MYH9: variants seen among roughly 807,000 people sequenced by gnomAD.
MYH9 encodes the protein myosin heavy chain 9.
Under a neutral mutation model 241.9 loss-of-function variants are expected in MYH9, and 29 were observed. That is an observed-to-expected ratio of 0.12 (90% CI 0.09 to 0.16). The LOEUF is 0.16. Ranked by LOEUF, MYH9 falls within the 10% of genes least tolerant of loss-of-function variation. MYH9 has a pLI of 1.00. For synonymous variants in MYH9, 1,047 were observed against 1,062.6 expected, an observed-to-expected ratio of 0.99 and a Z score of 0.29; for missense variants, 1,803 against 2,595.5, an observed-to-expected ratio of 0.69 and a Z score of 6.63.
intron 1 of MYH9, among the ~76,000 whole-genome samples, chr22:36,355,446 A>C (rs2017839875): frequency 6.6e-6 from 1 of 152,238 alleles, no homozygotes; most frequent in South Asian, 2.1e-4. Flanking sequence ...GTTTGTCTGG[A>C]AAATGAACAG....
In MYH9 at chr22:36,293,856, A is replaced by C; in HGVS notation, c.3845T>G (p.Leu1282Arg). 1.2e-6 allele frequency: 2 copies of C among 1,613,162 alleles called. No individual in the cohort carries two copies. The highest frequency in any genetic ancestry group is 8.5e-7 in the Non-Finnish European group (1 of 1,179,754). ...GCTGAGAAGCCCGGTCACGTTGTCCAGCTCCACCTGCACCGGGCGGGGAGA... is the reference window on the plus strand; with the variant it reads ...GCTGAGAAGCCCGGTCACGTTGTCCCGCTCCACCTGCACCGGGCGGGGAGA... ...ADKVTKLQVE[L>R]DNVTGLLSQS... Residue 1282 changes from leucine (L) to arginine (R), a missense_variant, in exon 29 of 41, where the codon CTG becomes CGG. This residue lies in a region of MYH9 where 876 missense variants were observed against 1,077.8 expected (regional missense o/e 0.81). Transcript: ENST00000216181. The surrounding 1 kb of genome is among the most constrained non-coding windows in gnomAD (Gnocchi z 5.1).
Position 36,292,006 on chromosome 22 carries a change from T to G in MYH9, c.4324A>C (p.Lys1442Gln). The G allele has an allele frequency of 6.2e-7, 1 of 1,614,188 alleles. No individual in the cohort carries two copies. Among genetic ancestry groups the G allele is most frequent in the Non-Finnish European group, 8.5e-7 (1 of 1,180,032 alleles). ...CACACCTGGTCAAACTTCTTCTGCTTCTTCTCCAGGTTGCACGCGCTCTGG... is the reference window on the plus strand; with the variant it reads ...CACACCTGGTCAAACTTCTTCTGCTGCTTCTCCAGGTTGCACGCGCTCTGG... ...QRQSACNLEK[K>Q]QKKFDQLLAE... Residue 1442 changes from lysine (K) to glutamine (Q), a missense_variant, in exon 31 of 41, where the codon AAG becomes CAG. By Grantham distance (53) the Lys-to-Gln change is moderately conservative (BLOSUM62 1). This residue lies in a region of MYH9 where 876 missense variants were observed against 1,077.8 expected (regional missense o/e 0.81). Transcript: ENST00000216181.
At position 36,320,761 on chromosome 22, in the gene MYH9, G is replaced by C. The variant is rs751610324; in HGVS notation, c.868+37C>G. 1 of 1,538,022 alleles carries C rather than the reference G, an allele frequency of 6.5e-7. No individual in the cohort carries two copies. The highest frequency in any genetic ancestry group is 9.0e-7 in the Non-Finnish European group (1 of 1,112,112). ...AATTCTGGCAAGAGGCCCAGAGCCC[G>C]GCAGCCCCGGTGTCAGGCTGCAGGC... On this transcript the variant is annotated intron_variant, in intron 8 of 40. Transcript: ENST00000216181. The surrounding 1 kb of genome is among the most constrained non-coding windows in gnomAD (Gnocchi z 4.8).
intron 12 of MYH9, among the ~76,000 whole-genome samples, chr22:36,316,125 C>T (rs550971538): frequency 1.3e-5 from 2 of 150,900 alleles, no homozygotes; most frequent in African/African-American, 4.9e-5. Flanking sequence ...GCAACCTCTG[C>T]CTCCCGGGTT....
At chr22:36,346,391 C>T (rs116903206) in intron 2 of MYH9, among the ~76,000 whole-genome samples, 1 of 152,132 alleles carries the variant, frequency 6.6e-6, no homozygotes, top group Non-Finnish European at 1.5e-5. Context: ...CATTGCAGGG[C>T]ACTCAGAAGC....
In MYH9 at chr22:36,300,737, G is replaced by A. The variant is rs917351923; in HGVS notation, c.2838+114C>T. 5.7e-6 allele frequency: 7 copies of A among 1,218,198 alleles called. No individual in the cohort carries two copies. The Admixed American group carries it at 9.3e-5, about 16-fold the overall frequency. 75.5% of individuals were successfully genotyped at this position (1,218,198 alleles called of 1,614,324 possible). A position where few individuals can be genotyped will look rare whatever the true frequency, so the allele number is the denominator to read the frequency against. On this transcript the variant is annotated intron_variant, in intron 22 of 40. Coordinates refer to ENST00000216181, the MANE Select transcript of MYH9 (RefSeq NM_002473.6). This position sits in a 1 kb window ranked among gnomAD's most constrained non-coding sequence, Gnocchi z 5.0. ...ACTGAGAGCCCCAAGCAGATTGCGTGAGGAGCAGCCTCCTTGGACCCTAAT... is the reference window on the plus strand; with the variant it reads ...ACTGAGAGCCCCAAGCAGATTGCGTAAGGAGCAGCCTCCTTGGACCCTAAT...
rs2016779537 is a variant in MYH9, at chr22:36,295,827, C to T, written c.3273-110G>A. On this transcript the variant is annotated intron_variant, in intron 25 of 40. Transcript: ENST00000216181. This position sits in a 1 kb window ranked among gnomAD's most constrained non-coding sequence, Gnocchi z 4.1. ...AGCAGCCAAAGCTGCCTCCTGTGGT[C>T]ACAATCATGGCACTTAGGATGGCTC... is the stretch of plus-strand genomic sequence containing the variant. The T allele has an allele frequency of 1.0e-6, 1 of 994,614 alleles. No individual in the cohort carries two copies. The highest frequency in any genetic ancestry group is 2.0e-5 in the Admixed American group (1 of 50,426). 61.6% of individuals were successfully genotyped at this position (994,614 alleles called of 1,614,324 possible).
Position 36,321,769 on chromosome 22 carries a change from T to C in MYH9, c.758A>G (p.Asn253Ser), listed in dbSNP as rs763278314. 6.2e-7 allele frequency: 1 copy of C among 1,614,078 alleles called. No individual in the cohort carries two copies. The highest frequency in any genetic ancestry group is 1.7e-5 in the Admixed American group (1 of 60,030). ...AACCACAAGGATACAAGTCTCAATG[T>C]TGGCTCCAACAATGTAGCCATTGAC... is the stretch of plus-strand genomic sequence containing the variant. ...FDVNGYIVGA[N>S]IETYLLEKSR... Residue 253 changes from asparagine to serine, a missense_variant, in exon 7 of 41, where the codon AAC becomes AGC. Physicochemically the swap from Asn to Ser is conservative, Grantham distance 46. Transcript: ENST00000216181.
rs2016486471 is a variant in MYH9, at chr22:36,281,424, G to A, written c.*1244C>T. The A allele has an allele frequency of 4.4e-6, 1 of 228,594 alleles. No individual in the cohort carries two copies. The highest frequency in any genetic ancestry group is 2.2e-5 in the African/African-American group (1 of 45,030). The allele number at this position is 228,594 out of a possible 1,614,324, so 14.2% of individuals were successfully genotyped here. A position where few individuals can be genotyped will look rare whatever the true frequency, so the allele number is the denominator to read the frequency against. On this transcript the variant is annotated 3_prime_UTR_variant, in exon 41 of 41. Transcript: ENST00000216181. ...GTGGGAGTTTCACTCACTCCTTTGT[G>A]ACAGCAACTGGGACCTGAATTCAGA...
chr22:36,290,338 CA>C (rs530199922), intron 31 of MYH9, among the ~76,000 whole-genome samples: 6,579 of 53,614 alleles, frequency 0.12, 173 homozygotes, highest in African/African-American at 0.29. Flanking sequence ...AGACAGTCTC[CA>C]AAAAAAAAAA....
At chr22:36,301,498 T>A (rs768481408) in intron 21 of MYH9, 36 bp downstream of exon 21, 8 of 1,610,706 alleles carry the variant, frequency 5.0e-6, no homozygotes, top group Non-Finnish European at 6.8e-6. Flanking sequence ...ACCAGGCAGG[T>A]CGTGCGACCT....
intron 1 of MYH9, among the ~76,000 whole-genome samples, chr22:36,373,841 A>G (rs1369798672): frequency 6.6e-6 from 1 of 152,262 alleles, no homozygotes; most frequent in Non-Finnish European, 1.5e-5. Context: ...GGGTCATTAA[A>G]ATATGAATTC....
Position 36,319,532 on chromosome 22 carries a change from G to T in MYH9, c.1108+8C>A, listed in dbSNP as rs751836967. Reference sequence around the variant, plus strand: ...CCATTATTTCCAGCGAGAGGCCCCGGGTGTTACCTGTGTTGTCGGGCATGG... The same window carrying T: ...CCATTATTTCCAGCGAGAGGCCCCGTGTGTTACCTGTGTTGTCGGGCATGG... On this transcript the variant is annotated splice_region_variant and intron_variant, in intron 10 of 40. Coordinates refer to ENST00000216181, the MANE Select transcript of MYH9 (RefSeq NM_002473.6). 6.2e-6 allele frequency: 10 copies of T among 1,613,920 alleles called. No homozygotes were observed. In the South Asian group the frequency reaches 1.1e-4, roughly 18 times the overall value.
rs776565254 is a variant in MYH9, at chr22:36,324,020, C to T, written c.613-1499G>A. Among the ~76,000 whole-genome samples, 80 of 152,254 alleles carry T rather than the reference C, an allele frequency of 5.3e-4. 1 individual carries two copies. Among genetic ancestry groups the T allele is most frequent in the Non-Finnish European group, 3.8e-4 (26 of 68,044 alleles). On this transcript the variant is annotated intron_variant, in intron 5 of 40. Transcript: ENST00000216181. ...ATGAGAATGGCTCCCCCACCCACTACGCCGTTCCTCTCAGAGCACAGGCCA... is the reference window on the plus strand; with the variant it reads ...ATGAGAATGGCTCCCCCACCCACTATGCCGTTCCTCTCAGAGCACAGGCCA...
chr22:36,306,333 G>T lies in MYH9; in HGVS notation c.2037+81C>A. 1 of 1,560,252 alleles carries T rather than the reference G, an allele frequency of 6.4e-7. No homozygotes were observed. The highest frequency in any genetic ancestry group is 8.8e-7 in the Non-Finnish European group (1 of 1,142,460). On this transcript the variant is annotated intron_variant, in intron 16 of 40. Transcript: ENST00000216181. This position sits in a 1 kb window ranked among gnomAD's most constrained non-coding sequence, Gnocchi z 4.1. ...GTGCATGCTGGGGGGCTGGAGGGGTGCTTTTGCTGGGGAGACAGACAAGGG... is the reference window on the plus strand; with the variant it reads ...GTGCATGCTGGGGGGCTGGAGGGGTTCTTTTGCTGGGGAGACAGACAAGGG...
rs57239201 is a variant in MYH9 at position 36,301,476 on chromosome 22, G to A, written c.2631+58C>T. 578 of 1,606,808 alleles carry A rather than the reference G, an allele frequency of 3.6e-4. 3 individuals are homozygous for A. In the East Asian group the frequency reaches 0.012, roughly 34 times the overall value. Reference sequence around the variant, plus strand: ...AGCATGCCGTGCCTACCGATGGCCAGCAGGTGGCAGCACCAGGCAGGTCGT... The same window carrying A: ...AGCATGCCGTGCCTACCGATGGCCAACAGGTGGCAGCACCAGGCAGGTCGT... On this transcript the variant is annotated intron_variant, in intron 21 of 40. Coordinates refer to ENST00000216181, the MANE Select transcript of MYH9 (RefSeq NM_002473.6).
At chr22:36,351,431 C>T (rs1569536703) in intron 1 of MYH9, among the ~76,000 whole-genome samples, 1 of 152,198 alleles carries the variant, frequency 6.6e-6, no homozygotes, top group South Asian at 2.1e-4. Flanking sequence ...GGCCGCCCCT[C>T]GTCTTTGCTG....
intron 1 of MYH9, among the ~76,000 whole-genome samples, chr22:36,370,032 C>T (rs1435005698): frequency 6.6e-6 from 1 of 152,188 alleles, no homozygotes; most frequent in Non-Finnish European, 1.5e-5. Context: ...AAATATATCA[C>T]CTGGCACTGT....
At chr22:36,372,693 G>T (rs548239714) in intron 1 of MYH9, among the ~76,000 whole-genome samples, 1 of 152,110 alleles carries the variant, frequency 6.6e-6, no homozygotes, top group Non-Finnish European at 1.5e-5. Flanking sequence ...CAAGGAGCTC[G>T]GCAAATCTGC....
Sources: gnomAD v4.1 joint callset for allele counts (sites outside exome capture counted in the v4.1 genomes callset) on GRCh38, gnomAD v4.1.1 for gene constraint, gnomAD v4.1.1 regional missense constraint, Gnocchi (gnomAD v3.1) non-coding constraint, MANE v1.5 for transcripts, NCBI Gene and HGNC (gene_info 2026-07-23, HGNC 2026-07-21) for gene names.